Variants in DLC1 observed in about 807,000 individuals in gnomAD.
DLC1 encodes the protein rho GTPase-activating protein 7.
A neutral mutation model predicts 140.3 loss-of-function variants in DLC1; 54 were observed. The ratio of observed to expected loss-of-function variants is 0.38; its 90% confidence interval spans 0.31 to 0.48. DLC1 has a LOEUF of 0.48. DLC1 is among the 20% of genes least tolerant of loss of function. The probability of loss-of-function intolerance (pLI) is 0.96; values close to 1 mark genes in which losing one functional copy is unlikely to be tolerated. For missense variants in DLC1, 2,536 were observed against 1,907.0 expected (o/e 1.33, Z -6.14); for synonymous variants, 986 against 728.1 (o/e 1.35, Z -5.70).
At chr8:13,488,775 AAGTT>A (rs1390725922) in intron 2 of DLC1, among the ~76,000 whole-genome samples, 2 of 152,168 alleles carry the variant, frequency 1.3e-5, no homozygotes, top group Admixed American at 6.5e-5. Context: ...CTTAATATGA[AAGTT>A]AGTTATTTGT....
intron 7 of DLC1, among the ~76,000 whole-genome samples, chr8:13,105,439 C>T (rs951204746): frequency 3.3e-5 from 5 of 152,122 alleles, no homozygotes; most frequent in African/African-American, 1.2e-4. Context: ...ACTTCATCTT[C>T]CCAACGACCC....
chr8:13,550,180 T>TG (rs1055023672), intron 1 of DLC1, among the ~76,000 whole-genome samples: 59 of 152,194 alleles, frequency 3.9e-4, no homozygotes, highest in Admixed American at 1.1e-3. Flanking sequence ...GATTGGATTA[T>TG]GGGGGGCAGT....
intron 2 of DLC1, among the ~76,000 whole-genome samples, chr8:13,452,514 C>A (rs1799113481): frequency 6.6e-6 from 1 of 152,064 alleles, no homozygotes; most frequent in Non-Finnish European, 1.5e-5. Context: ...CAACCATTTG[C>A]TAAAGTGATA....
At chr8:13,117,531 C>T (rs1432341681) in intron 5 of DLC1, among the ~76,000 whole-genome samples, 1 of 151,994 alleles carries the variant, frequency 6.6e-6, no homozygotes, top group African/African-American at 2.4e-5. Context: ...CCTGCCCCCT[C>T]CCACAAAACA....
chr8:13,252,113 C>T (rs978394543), intron 5 of DLC1, among the ~76,000 whole-genome samples: 17 of 152,076 alleles, frequency 1.1e-4, no homozygotes, highest in African/African-American at 4.1e-4. Flanking sequence ...ATAAAATTCT[C>T]TAATTTTGTC....
chr8:13,344,916 C>G (rs1424982847), intron 4 of DLC1, among the ~76,000 whole-genome samples: 2 of 152,070 alleles, frequency 1.3e-5, no homozygotes, highest in East Asian at 3.8e-4. Flanking sequence ...GTTTAGTCAA[C>G]TTCTAATTGT....
intron 1 of DLC1, among the ~76,000 whole-genome samples, chr8:13,596,970 C>G (rs564456502): frequency 9.9e-5 from 15 of 151,968 alleles, no homozygotes; most frequent in Middle Eastern, 3.4e-3. Context: ...CAGATACACT[C>G]TTTTGTTTTT....
chr8:13,348,011 C>T (rs565432144), intron 4 of DLC1, among the ~76,000 whole-genome samples: 1 of 152,090 alleles, frequency 6.6e-6, no homozygotes, highest in Non-Finnish European at 1.5e-5. Context: ...ATGGCGTGAA[C>T]CCGGGAGACA....
intron 1 of DLC1, among the ~76,000 whole-genome samples, chr8:13,585,102 T>C (rs1296389785): frequency 2.6e-5 from 4 of 152,244 alleles, no homozygotes; most frequent in Non-Finnish European, 5.9e-5. Flanking sequence ...CTTAGCATTT[T>C]CTTAGATCAC....
At chr8:13,527,832 C>T (rs969062899) in intron 1 of DLC1, among the ~76,000 whole-genome samples, 8 of 152,072 alleles carry the variant, frequency 5.3e-5, no homozygotes, top group Admixed American at 2.0e-4. Flanking sequence ...TTAGAGAATC[C>T]TTAGCTTTAA....
intron 5 of DLC1, among the ~76,000 whole-genome samples, chr8:13,147,474 T>G (rs1186647510): frequency 6.6e-6 from 1 of 152,186 alleles, no homozygotes; most frequent in African/African-American, 2.4e-5. Flanking sequence ...TCATACTGAT[T>G]TTCAGATCTG....
At chr8:13,528,026 T>C (rs527480849) in intron 1 of DLC1, among the ~76,000 whole-genome samples, 48 of 152,254 alleles carry the variant, frequency 3.2e-4, no homozygotes, top group Non-Finnish European at 5.6e-4. Flanking sequence ...AGTGTAAACA[T>C]GTTGGTTTAC....
At chr8:13,120,866 T>A (rs552075273) in intron 5 of DLC1, among the ~76,000 whole-genome samples, 1 of 152,118 alleles carries the variant, frequency 6.6e-6, no homozygotes, top group African/African-American at 2.4e-5. Flanking sequence ...TGTCTTCCCA[T>A]CACTCCTCAA....
chr8:13,440,532 G>C (rs997456092), intron 2 of DLC1, among the ~76,000 whole-genome samples: 2 of 151,438 alleles, frequency 1.3e-5, no homozygotes, highest in African/African-American at 4.9e-5. Flanking sequence ...AAGATATTTT[G>C]CTCTTTTTTT....
chr8:13,093,955 G>T (rs183388629), intron 12 of DLC1, among the ~76,000 whole-genome samples: 1 of 152,278 alleles, frequency 6.6e-6, no homozygotes. Flanking sequence ...GAAGGGCATG[G>T]GTATTGTTCT....
At chr8:13,266,484 C>G (rs901010203) in intron 5 of DLC1, among the ~76,000 whole-genome samples, 1 of 152,154 alleles carries the variant, frequency 6.6e-6, no homozygotes, top group African/African-American at 2.4e-5. Context: ...GTGGTTCACA[C>G]CTGTAATTCC....
chr8:13,100,795 C>T (rs777384095), intron 8 of DLC1, 25 bp from the exon 9 acceptor site: 2 of 1,535,112 alleles, frequency 1.3e-6, no homozygotes, highest in African/African-American at 2.8e-5. Flanking sequence ...AGGAGCCATT[C>T]ACACACTGGG....
At chr8:13,600,419 C>G (rs1002174278) in intron 1 of DLC1, among the ~76,000 whole-genome samples, 7 of 151,808 alleles carry the variant, frequency 4.6e-5, no homozygotes, top group Admixed American at 2.6e-4. Context: ...TATGGTTATT[C>G]GTGTTATTTG....
At chr8:13,141,883 A>C (rs750301740) in intron 5 of DLC1, among the ~76,000 whole-genome samples, 2 of 152,172 alleles carry the variant, frequency 1.3e-5, no homozygotes, top group Non-Finnish European at 2.9e-5. Context: ...TAAAAAATAG[A>C]CCTAGCAACA....
Sources: gnomAD v4.1 joint callset for allele counts (sites outside exome capture counted in the v4.1 genomes callset) on GRCh38, gnomAD v4.1.1 for gene constraint, MANE v1.5 for transcripts, NCBI Gene and HGNC (gene_info 2026-07-23, HGNC 2026-07-21) for gene names.